Variants in IFT43 observed in about 807,000 individuals in gnomAD.
The protein encoded by IFT43 is intraflagellar transport 43, also known as intraflagellar transport protein 43 homolog.
IFT43 carries 33 observed loss-of-function variants against 32.3 expected under a neutral mutation model. That is an observed-to-expected ratio of 1.02 (90% CI 0.77 to 1.37). The LOEUF (loss-of-function observed/expected upper bound fraction) is 1.37. Ranked by LOEUF, IFT43 falls within the 40% of genes most tolerant of loss-of-function variation. The pLI is 0.00. For missense variants in IFT43, 274 were observed against 265.9 expected (o/e 1.03, Z -0.21); for synonymous variants, 93 against 98.2 (o/e 0.95, Z 0.31).
At chr14:76,051,109 G>A (rs373633626) in intron 3 of IFT43, among the ~76,000 whole-genome samples, 72 of 151,286 alleles carry the variant, frequency 4.8e-4, no homozygotes, top group African/African-American at 1.7e-3. Flanking sequence ...GAACTGTGCT[G>A]GCAGGAGCTA....
intron 2 of IFT43, among the ~76,000 whole-genome samples, chr14:76,004,405 GT>G (rs2035944614): frequency 6.6e-6 from 1 of 151,374 alleles, no homozygotes; most frequent in South Asian, 2.1e-4. Context: ...TCCCCCGATT[GT>G]TCTGTATGTA....
At chr14:75,996,701 A>C (rs2035754013) in intron 2 of IFT43, among the ~76,000 whole-genome samples, 1 of 152,032 alleles carries the variant, frequency 6.6e-6, no homozygotes, top group Non-Finnish European at 1.5e-5. Context: ...ACAAAATGCA[A>C]CTCTCTGTCT....
intron 5 of IFT43, among the ~76,000 whole-genome samples, chr14:76,075,208 C>T (rs1021201211): frequency 1.2e-4 from 18 of 152,210 alleles, no homozygotes; most frequent in African/African-American, 4.1e-4. Flanking sequence ...AGCATGGCTC[C>T]GTAGCCACTG....
At chr14:76,051,218 C>T (rs531883348) in intron 3 of IFT43, among the ~76,000 whole-genome samples, 7 of 146,402 alleles carry the variant, frequency 4.8e-5, no homozygotes, top group African/African-American at 7.7e-5. Context: ...TGGTACCTAG[C>T]GGCATATACT....
Position 76,025,977 on chromosome 14 carries a change from C to A in IFT43, c.215+3583C>A, listed in dbSNP as rs112474109. Among the ~76,000 whole-genome samples, 42 of 152,244 alleles carry A rather than the reference C, an allele frequency of 2.8e-4. 2 individuals carry two copies. The highest frequency in any genetic ancestry group is 8.2e-4 in the African/African-American group (34 of 41,564). ...ATCTAATTAAAGTAAAGCACTTCTG[C>A]ACAGCAAAGGAAACTGTCAACAGAG... On this transcript the variant is annotated intron_variant, in intron 3 of 8. Coordinates refer to ENST00000314067, the MANE Select transcript of IFT43 (RefSeq NM_001102564.3).
At chr14:76,060,013 G>GC (rs949236123) in intron 5 of IFT43, among the ~76,000 whole-genome samples, 4 of 152,046 alleles carry the variant, frequency 2.6e-5, no homozygotes, top group African/African-American at 9.7e-5. Context: ...CTTTATCTTT[G>GC]CATCTCCAGT....
At chr14:76,006,090 A>T (rs1490941644) in intron 2 of IFT43, among the ~76,000 whole-genome samples, 1 of 152,164 alleles carries the variant, frequency 6.6e-6, no homozygotes, top group African/African-American at 2.4e-5. Context: ...CGAGACAGAA[A>T]GTGTTCTGAC....
At chr14:76,038,195 G>C (rs1056799243) in intron 3 of IFT43, 20 of 152,250 alleles carry the variant, frequency 1.3e-4, no homozygotes, top group African/African-American at 4.8e-4. Flanking sequence ...AGATGGGGCT[G>C]TTGCATGTGA....
At chr14:76,051,876 A>G (rs1176755027) in intron 3 of IFT43, among the ~76,000 whole-genome samples, 1 of 152,196 alleles carries the variant, frequency 6.6e-6, no homozygotes, top group Non-Finnish European at 1.5e-5. Context: ...AATGGGAATC[A>G]TGCAGGTGCC....
rs760349984 is a variant in IFT43 at position 75,988,923 on chromosome 14, G to A, written c.93G>A (p.Ala31=). Residue 31 remains alanine (A), a synonymous_variant, in exon 2 of 9, where the codon GCG becomes GCA. Transcript: ENST00000314067. ...KMGRRAQQES[A]QAENHLNGKN... Reference sequence around the variant, plus strand: ...GTCGCCGAGCTCAACAGGAGTCAGCGCAGGCCGAGAATCACCTCAATGGCA... The same window carrying A: ...GTCGCCGAGCTCAACAGGAGTCAGCACAGGCCGAGAATCACCTCAATGGCA... 9.3e-6 allele frequency: 15 copies of A among 1,613,854 alleles called. No homozygotes were observed. The highest frequency in any genetic ancestry group is 8.8e-5 in the South Asian group (8 of 91,066).
chr14:76,000,389 C>T (rs375890615), intron 2 of IFT43, among the ~76,000 whole-genome samples: 50 of 151,494 alleles, frequency 3.3e-4, no homozygotes, highest in East Asian at 9.7e-4. Context: ...CTCAGCCTCC[C>T]GAGTAGCTAG....
intron 5 of IFT43, chr14:76,076,747 CTAGG>C: frequency 6.3e-7 from 1 of 1,599,942 alleles, no homozygotes; most frequent in Non-Finnish European, 8.6e-7. Context: ...TGGGACTTTG[CTAGG>C]TAATTAGCAT....
rs764742311 is a variant in IFT43, at chr14:76,083,442, A to G, written c.508-16A>G. ...AGGCCTTTCTTTGTCTTACCCAGCG[A>G]AACCCTTCTTGGCAGGATGATGTCG... On this transcript the variant is annotated splice_polypyrimidine_tract_variant and intron_variant, in intron 8 of 8. Transcript: ENST00000314067. 5.0e-6 allele frequency: 8 copies of G among 1,614,008 alleles called. No individual in the cohort carries two copies. In the Admixed American group the frequency reaches 1.0e-4, roughly 20 times the overall value.
At chr14:76,024,049 A>G (rs1295214497) in intron 3 of IFT43, among the ~76,000 whole-genome samples, 2 of 152,206 alleles carry the variant, frequency 1.3e-5, no homozygotes, top group African/African-American at 4.8e-5. Flanking sequence ...TCAGGCTGCT[A>G]AAAGCCTAAA....
intron 3 of IFT43, among the ~76,000 whole-genome samples, chr14:76,048,874 C>A (rs537390714): frequency 6.6e-6 from 1 of 152,316 alleles, no homozygotes; most frequent in South Asian, 2.1e-4. Context: ...TGTGCTCCCC[C>A]AGTGGCTCGC....
chr14:76,000,662 C>CA (rs1283328651), intron 2 of IFT43, among the ~76,000 whole-genome samples: 10 of 152,096 alleles, frequency 6.6e-5, no homozygotes, highest in Admixed American at 6.5e-4. Flanking sequence ...AAACAATAAA[C>CA]AAAAACCTGG....
At chr14:76,020,127 A>AC (rs2036263203) in intron 2 of IFT43, among the ~76,000 whole-genome samples, 1 of 152,046 alleles carries the variant, frequency 6.6e-6, no homozygotes, top group South Asian at 2.1e-4. Flanking sequence ...GGCATGCGCC[A>AC]CCACGCCCAG....
intron 2 of IFT43, among the ~76,000 whole-genome samples, chr14:76,015,927 G>T (rs1407697367): frequency 6.6e-6 from 1 of 152,186 alleles, no homozygotes; most frequent in Non-Finnish European, 1.5e-5. Flanking sequence ...CTGATGCTCA[G>T]TGATGTAGAA....
intron 5 of IFT43, among the ~76,000 whole-genome samples, chr14:76,078,100 CTG>C (rs1281739077): frequency 7.9e-5 from 12 of 152,172 alleles, no homozygotes; most frequent in African/African-American, 2.7e-4. Context: ...AGAACAGTGT[CTG>C]TGTAGTGTGA....
Sources: allele counts gnomAD v4.1 joint callset (sites outside exome capture counted in the v4.1 genomes callset), GRCh38; gene constraint gnomAD v4.1.1; transcripts MANE v1.5; gene names NCBI Gene and HGNC (gene_info 2026-07-23, HGNC 2026-07-21).